Variants in DNAAF8 observed in about 807,000 individuals in gnomAD.
DNAAF8 encodes dynein axonemal-associated protein 1.
Under a neutral mutation model 54.6 loss-of-function variants are expected in DNAAF8, and 61 were observed. The ratio of observed to expected loss-of-function variants is 1.12; its 90% confidence interval spans 0.91 to 1.38. The LOEUF (loss-of-function observed/expected upper bound fraction) is 1.38. Ranked by LOEUF, DNAAF8 falls within the 40% of genes most tolerant of loss-of-function variation. DNAAF8 has a pLI of 0.00. For missense variants in DNAAF8, 837 were observed against 665.0 expected (o/e 1.26, Z -2.85); for synonymous variants, 320 against 270.1 (o/e 1.18, Z -1.81).
At chr16:4,735,552 C>G (rs1402395345) in intron 1 of DNAAF8, among the ~76,000 whole-genome samples, 1 of 151,886 alleles carries the variant, frequency 6.6e-6, no homozygotes, top group Non-Finnish European at 1.5e-5. Flanking sequence ...CTCTCAAGCT[C>G]AAGCTCCCCA....
In DNAAF8 at chr16:4,744,797, T is replaced by C. The variant is rs1328911485; in HGVS notation, c.902-73T>C. 27 of 1,523,684 alleles carry C rather than the reference T, an allele frequency of 1.8e-5. No individual in the cohort carries two copies. The Admixed American group carries it at 4.6e-4, about 26-fold the overall frequency. The allele number at this position is 1,523,684 out of a possible 1,614,324, so 94.4% of individuals were successfully genotyped here. A position where few individuals can be genotyped will look rare whatever the true frequency, so the allele number is the denominator to read the frequency against. The stretch of plus-strand genomic sequence containing the variant: ...TCACATGTGGAGACCCCAGGGGTCC[T>C]GAGGCTCCAGCTGCTGTAAGTCACA... On this transcript the variant is annotated intron_variant, in intron 5 of 9. Transcript: ENST00000299320.
chr16:4,738,101 A>T, intron 3 of DNAAF8, 155 bp downstream of exon 3: 5 of 943,422 alleles, frequency 5.3e-6, no homozygotes, highest in Non-Finnish European at 7.6e-6. Flanking sequence ...GATGCCCAAC[A>T]TCTAACCTCC....
rs1181393395 is a variant in DNAAF8 at position 4,746,405 on chromosome 16, T to C, written c.1074T>C (p.Ala358=). The C allele has an allele frequency of 6.2e-7, 1 of 1,613,156 alleles. No individual in the cohort carries two copies. The highest frequency in any genetic ancestry group is 2.2e-5 in the East Asian group (1 of 44,888). ...RCASRKQGSQ[A]GPGPQLAQGM... is the part of the protein sequence containing the mutation. The stretch of plus-strand genomic sequence containing the variant: ...CCTCAAGGAAGCAGGGCTCCCAGGC[T>C]GGGCCAGGCCCGCAGCTGGCCCAGG... Residue 358 remains alanine (A), a synonymous_variant, in exon 7 of 10, where the codon GCT becomes GCC. Coordinates refer to ENST00000299320, the MANE Select transcript of DNAAF8 (RefSeq NM_139170.3).
chr16:4,747,332 T>A lies in DNAAF8; in HGVS notation c.1281-11T>A. On this transcript the variant is annotated splice_polypyrimidine_tract_variant and intron_variant, in intron 8 of 9. Coordinates refer to ENST00000299320, the MANE Select transcript of DNAAF8 (RefSeq NM_139170.3). ...ACGGGGTTGAGTGAATTTGGTCTCA[T>A]TGTGTCACAGGACCTGTACCGGGAA... The A allele has an allele frequency of 6.5e-7, 1 of 1,547,998 alleles. No homozygotes were observed.
chr16:4,747,139 A>T (rs2142215051), intron 8 of DNAAF8, 114 bp downstream of exon 8: 1 of 1,233,130 alleles, frequency 8.1e-7, no homozygotes, highest in South Asian at 1.5e-5. Context: ...CACCCACCGC[A>T]CAGGGTGAGG....
intron 8 of DNAAF8, 155 bp downstream of exon 8, chr16:4,747,180 C>T (rs984834177): frequency 3.2e-5 from 39 of 1,209,292 alleles, no homozygotes; most frequent in Middle Eastern, 2.9e-4. Flanking sequence ...ATCCTGCCCA[C>T]GTCCACTGGG....
chr16:4,736,359 T>C (rs1596480591), intron 1 of DNAAF8, 105 bp from the exon 2 acceptor site: 1 of 785,884 alleles, frequency 1.3e-6, no homozygotes, highest in Non-Finnish European at 1.8e-6. Context: ...AGGCAGGTGG[T>C]GAGGCCTGCC....
At chr16:4,740,993 G>C (rs927399163) in intron 4 of DNAAF8, among the ~76,000 whole-genome samples, 1 of 151,252 alleles carries the variant, frequency 6.6e-6, no homozygotes, top group Non-Finnish European at 1.5e-5. Context: ...GGTCAACACA[G>C]TGAGACCCTC....
chr16:4,747,253 G>C, intron 8 of DNAAF8, 90 bp from the exon 9 acceptor site: 1 of 1,435,626 alleles, frequency 7.0e-7, no homozygotes, highest in Non-Finnish European at 9.4e-7. Context: ...ATGGGAGCTG[G>C]GCTCATCTGC....
intron 3 of DNAAF8, 164 bp downstream of exon 3, chr16:4,738,110 C>G (rs1596481714): frequency 3.5e-6 from 3 of 850,770 alleles, no homozygotes; most frequent in Non-Finnish European, 5.3e-6. Context: ...CATCTAACCT[C>G]CACGCACCTC....
At chr16:4,744,720 G>A in intron 5 of DNAAF8, 150 bp from the exon 6 acceptor site, 1 of 973,222 alleles carries the variant, frequency 1.0e-6, no homozygotes, top group Admixed American at 2.7e-5. Context: ...GTCCTCAGAG[G>A]GCTGAGTAGG....
intron 3 of DNAAF8, 127 bp from the exon 4 acceptor site, chr16:4,740,026 T>G: frequency 1.6e-6 from 2 of 1,221,452 alleles, no homozygotes; most frequent in East Asian, 4.8e-5. Context: ...ACCACTGCAC[T>G]GCAGCCTGGG....
intron 3 of DNAAF8, among the ~76,000 whole-genome samples, chr16:4,739,265 G>GTTTTT (rs35113323): frequency 9.0e-4 from 62 of 69,042 alleles, no homozygotes; most frequent in African/African-American, 9.7e-4. Context: ...ATTTTTTCTT[G>GTTTTT]TTTTTTTTTT....
intron 5 of DNAAF8, chr16:4,743,689 G>A (rs2081978289): frequency 6.6e-6 from 1 of 152,422 alleles, no homozygotes; most frequent in Admixed American, 6.5e-5. Flanking sequence ...GGGGAGGCAG[G>A]TCTGAGGCAG....
At chr16:4,739,786 T>C (rs2081940314) in intron 3 of DNAAF8, among the ~76,000 whole-genome samples, 1 of 152,036 alleles carries the variant, frequency 6.6e-6, no homozygotes, top group African/African-American at 2.4e-5. Context: ...GGCTTGTGCC[T>C]GTAATCCCAC....
chr16:4,746,255 C>G, intron 6 of DNAAF8, 120 bp from the exon 7 acceptor site: 1 of 1,083,468 alleles, frequency 9.2e-7, no homozygotes, highest in East Asian at 2.4e-5. Context: ...ATGTGCCCGT[C>G]TGTAGAGAGT....
chr16:4,740,501 A>G lies in DNAAF8; in HGVS notation c.625A>G (p.Thr209Ala). The G allele has an allele frequency of 5.6e-6, 9 of 1,614,082 alleles. No homozygotes were observed. Among genetic ancestry groups the G allele is most frequent in the Non-Finnish European group, 7.6e-6 (9 of 1,180,018 alleles). The change falls in exon 4 of 10, where the codon ACG (threonine) becomes GCG (alanine). Residue 209 changes from threonine (T) to alanine (A), a missense_variant. Transcript: ENST00000299320. The stretch of plus-strand genomic sequence containing the variant: ...ACAGGAGAGAAGGAAGATGATAGAG[A>G]CGGACATCCTCCAGAAAGTCACCCG... ...LRQERRKMIE[T>A]DILQKVTRDA...
rs183992795 is a variant in DNAAF8, at chr16:4,738,064, T to G, written c.276+118T>G. On this transcript the variant is annotated intron_variant, in intron 3 of 9. Transcript: ENST00000299320. ...TGCTAGAACATGGTCCTTTTTTTTT[T>G]CCCCCATGTACAACCCAAGGTATTC... 6.7e-3 allele frequency: 8,384 copies of G among 1,257,678 alleles called. 47 individuals carry two copies. Among genetic ancestry groups the G allele is most frequent in the Non-Finnish European group, 8.0e-3 (7,451 of 928,492 alleles). 77.9% of individuals were successfully genotyped at this position (1,257,678 alleles called of 1,614,324 possible). A position where few individuals can be genotyped will look rare whatever the true frequency, so the allele number is the denominator to read the frequency against.
intron 2 of DNAAF8, among the ~76,000 whole-genome samples, chr16:4,737,205 A>T (rs923430082): frequency 6.6e-6 from 1 of 152,134 alleles, no homozygotes; most frequent in Non-Finnish European, 1.5e-5. Context: ...AAGAGACAGT[A>T]TGAGGGTTTT....
Sources: allele counts gnomAD v4.1 joint callset (sites outside exome capture counted in the v4.1 genomes callset), GRCh38; gene constraint gnomAD v4.1.1; transcripts MANE v1.5; gene names NCBI Gene and HGNC (gene_info 2026-07-23, HGNC 2026-07-21).